Variants in SYAP1 observed in about 807,000 individuals in gnomAD.
The protein encoded by SYAP1 is synapse-associated protein 1.
Under a neutral mutation model 29.6 loss-of-function variants are expected in SYAP1, and 3 were observed. The observed-to-expected ratio is 0.10, with a 90% CI of 0.05 to 0.26. SYAP1 has a LOEUF of 0.26. Ranked by LOEUF, SYAP1 falls within the 10% of genes least tolerant of loss-of-function variation. The pLI, the probability that SYAP1 is intolerant of heterozygous loss-of-function variation, is 1.00. For synonymous variants in SYAP1, 102 were observed against 102.7 expected (o/e 0.99, Z 0.04); for missense variants, 217 against 264.1 (o/e 0.82, Z 1.24).
intron 5 of SYAP1, among the ~76,000 whole-genome samples, chrX:16,750,767 ATTT>A (rs35898800): frequency 1.1e-5 from 1 of 90,839 alleles, no homozygotes. Flanking sequence ...GTTCTCACTG[ATTT>A]TTTTTTTTTT....
intron 5 of SYAP1, among the ~76,000 whole-genome samples, chrX:16,752,419 C>A (rs1315955932): frequency 9.5e-6 from 1 of 105,644 alleles, no homozygotes; most frequent in Admixed American, 1.0e-4. Flanking sequence ...GAAACACAAA[C>A]TTATGGAAAA....
chrX:16,760,152 G>C, intron 8 of SYAP1, 80 bp from the exon 9 acceptor site: 1 of 993,359 alleles, frequency 1.0e-6, no homozygotes, highest in Non-Finnish European at 1.3e-6. Flanking sequence ...CTTTACGTAG[G>C]TAATTGAGAT....
intron 8 of SYAP1, among the ~76,000 whole-genome samples, chrX:16,758,547 G>T (rs1203028548): frequency 1.8e-5 from 2 of 110,618 alleles, no homozygotes; most frequent in African/African-American, 6.6e-5. Context: ...ATGTTGGCAG[G>T]CTGGTCTCGA....
chrX:16,746,145 C>T (rs1482257196), intron 5 of SYAP1, among the ~76,000 whole-genome samples: 1 of 99,853 alleles, frequency 1.0e-5, no homozygotes, highest in East Asian at 3.1e-4. Flanking sequence ...GAGCCCTCCC[C>T]AACCCTCCCA....
chrX:16,731,328 G>T (rs1367620473), intron 1 of SYAP1, among the ~76,000 whole-genome samples: 4 of 111,622 alleles, frequency 3.6e-5, no homozygotes, highest in Non-Finnish European at 5.6e-5. Flanking sequence ...CATTTACCTA[G>T]ATTATTTATG....
intron 5 of SYAP1, among the ~76,000 whole-genome samples, chrX:16,750,928 C>T (rs988331556): frequency 5.5e-5 from 6 of 108,303 alleles, no homozygotes; most frequent in Admixed American, 1.0e-4. Flanking sequence ...CCACCACGCC[C>T]GGCTAATTTT....
chrX:16,741,299 G>T (rs1280515908), intron 3 of SYAP1, among the ~76,000 whole-genome samples: 1 of 111,088 alleles, frequency 9.0e-6, no homozygotes, highest in Non-Finnish European at 1.9e-5. Flanking sequence ...CTGGGTTCAG[G>T]TGATCCTCCC....
Position 16,719,764 on chromosome X carries a change from C to T in SYAP1, c.40C>T (p.Pro14Ser). 3 of 1,205,953 alleles carry T rather than the reference C, an allele frequency of 2.5e-6. No individual in the cohort carries two copies. Among genetic ancestry groups the T allele is most frequent in the South Asian group, 1.8e-5 (1 of 56,054 alleles). The change falls in exon 1 of 9, where the codon CCG becomes TCG. Residue 14 changes from proline (P) to serine (S), a missense_variant. Transcript: ENST00000380155. ...GLSSWLGLQQPVAGGGQPNGD... is the reference protein window; with the variant it reads ...GLSSWLGLQQSVAGGGQPNGD... ...GAGCAGTTGGTTGGGCTTGCAGCAGCCGGTGGCAGGCGGTGGGCAGCCCAA... is the reference window on the plus strand; with the variant it reads ...GAGCAGTTGGTTGGGCTTGCAGCAGTCGGTGGCAGGCGGTGGGCAGCCCAA...
chrX:16,744,794 C>T (rs1173473639), intron 5 of SYAP1, among the ~76,000 whole-genome samples: 2 of 110,295 alleles, frequency 1.8e-5, no homozygotes, highest in East Asian at 5.7e-4. Flanking sequence ...GCAAGACCAC[C>T]ATCTTTACAA....
intron 1 of SYAP1, among the ~76,000 whole-genome samples, chrX:16,734,100 C>T (rs1212298503): frequency 1.8e-5 from 2 of 110,609 alleles, no homozygotes; most frequent in East Asian, 5.7e-4. Context: ...ATTTCTAGTC[C>T]AGGCTTGGTG....
At chrX:16,727,127 T>C (rs1926096432) in intron 1 of SYAP1, among the ~76,000 whole-genome samples, 1 of 110,980 alleles carries the variant, frequency 9.0e-6, no homozygotes, top group African/African-American at 3.3e-5. Flanking sequence ...AACAAAATTT[T>C]TCTCTCTCTA....
At chrX:16,743,286 C>T (rs748833757) in intron 4 of SYAP1, among the ~76,000 whole-genome samples, 1 of 107,700 alleles carries the variant, frequency 9.3e-6, no homozygotes, top group Non-Finnish European at 1.9e-5. Flanking sequence ...TGAGATTGCA[C>T]CACTGCATTA....
chrX:16,743,656 C>A lies in SYAP1; in HGVS notation c.436-45C>A, dbSNP rs780381433. On this transcript the variant is annotated intron_variant, in intron 4 of 8. Transcript: ENST00000380155. ...AAAAAAAAAATTGTTATCTATTAATCGCATTTTGTGGAATACCCTGTGTTT... is the reference window on the plus strand; with the variant it reads ...AAAAAAAAAATTGTTATCTATTAATAGCATTTTGTGGAATACCCTGTGTTT... 9.6e-5 allele frequency: 111 copies of A among 1,158,858 alleles called. 1 individual carries two copies. The South Asian group carries it at 1.8e-3, about 19-fold the overall frequency.
chrX:16,729,372 G>C (rs763583570), intron 1 of SYAP1, among the ~76,000 whole-genome samples: 2 of 111,551 alleles, frequency 1.8e-5, no homozygotes, highest in South Asian at 7.4e-4. Context: ...TTTAATGTTT[G>C]ACCATAAGGT....
intron 5 of SYAP1, among the ~76,000 whole-genome samples, chrX:16,749,609 T>C (rs781592385): frequency 8.1e-5 from 9 of 111,178 alleles, no homozygotes; most frequent in Non-Finnish European, 1.5e-4. Context: ...GCATTTCACA[T>C]AGCTCAGACT....
At position 16,726,631 on chromosome X, in the gene SYAP1, G is replaced by A. The variant is rs761834521; in HGVS notation, c.175+6732G>A. 2.0e-4 allele frequency among the ~76,000 whole-genome samples: 22 copies of A among 111,443 alleles called. No homozygotes were observed. In the East Asian group the frequency reaches 5.6e-3, roughly 28 times the overall value. On this transcript the variant is annotated intron_variant, in intron 1 of 8. Transcript: ENST00000380155. ...GCCGCAATCCCCACTGTCAATTTGC[G>A]CATGATTTCTATCATGCTTGTATAT...
chrX:16,735,333 C>T lies in SYAP1; in HGVS notation c.282C>T (p.Gly94=). The part of the protein sequence containing the change: ...KKSVEEGKID[G]IIDKTIIGDF... ...CCGTAGAAGAAGGAAAAATAGATGG[C>T]ATCATTGACAAGGTATATTCAATTA... Residue 94 remains glycine, a synonymous_variant, in exon 2 of 9, where the codon GGC becomes GGT. Transcript: ENST00000380155. 8.8e-7 allele frequency: 1 copy of T among 1,134,279 alleles called. No homozygotes were observed. The highest frequency in any genetic ancestry group is 1.2e-6 in the Non-Finnish European group (1 of 834,351). 93.5% of individuals were successfully genotyped at this position (1,134,279 alleles called of 1,213,427 possible). A position where few individuals can be genotyped will look rare whatever the true frequency, so the allele number is the denominator to read the frequency against.
intron 5 of SYAP1, among the ~76,000 whole-genome samples, chrX:16,744,827 G>A (rs1290003577): frequency 2.7e-5 from 3 of 111,441 alleles, no homozygotes; most frequent in Non-Finnish European, 5.7e-5. Flanking sequence ...TTAGCCGGGC[G>A]TAGTGGTGCG....
At chrX:16,726,898 A>G (rs5936166) in intron 1 of SYAP1, among the ~76,000 whole-genome samples, 42,458 of 110,458 alleles carry the variant, frequency 0.38, 6,499 homozygotes, top group East Asian at 0.58. Flanking sequence ...TAAGTTGTCT[A>G]GTCTTCAGTT....
Sources: allele counts gnomAD v4.1 joint callset (sites outside exome capture counted in the v4.1 genomes callset), GRCh38; gene constraint gnomAD v4.1.1; transcripts MANE v1.5; gene names NCBI Gene and HGNC (gene_info 2026-07-23, HGNC 2026-07-21).